Variants in ESRRG observed in about 807,000 individuals in gnomAD.
The protein encoded by ESRRG is estrogen related receptor gamma, also known as estrogen-related receptor gamma.
A neutral mutation model predicts 44.0 loss-of-function variants in ESRRG; 13 were observed. That is an observed-to-expected ratio of 0.30 (90% confidence interval 0.19 to 0.47). ESRRG has a LOEUF of 0.47. Ranked by LOEUF, ESRRG falls within the 20% of genes least tolerant of loss-of-function variation. ESRRG has a pLI of 1.00. For synonymous variants in ESRRG, 215 were observed against 214.6 expected (o/e 1.00, Z -0.02); for missense variants, 395 against 580.6 (o/e 0.68, Z 3.29).
intron 3 of ESRRG, among the ~76,000 whole-genome samples, chr1:216,626,903 G>A (rs767169148): frequency 1.3e-5 from 2 of 152,186 alleles, no homozygotes; most frequent in Non-Finnish European, 2.9e-5. Context: ...AGCACTGTAA[G>A]TTATTCCATG....
chr1:216,757,359 C>T (rs2092511174), intron 2 of ESRRG, among the ~76,000 whole-genome samples: 1 of 152,000 alleles, frequency 6.6e-6, no homozygotes, highest in African/African-American at 2.4e-5. Flanking sequence ...TGTAAAACTG[C>T]TGTGAAAAAG....
intron 2 of ESRRG, among the ~76,000 whole-genome samples, chr1:216,653,302 G>A (rs1046305655): frequency 1.3e-5 from 2 of 152,188 alleles, no homozygotes; most frequent in East Asian, 1.9e-4. Flanking sequence ...CCTCCGTCCT[G>A]ACCCACTCTA....
intron 1 of ESRRG, among the ~76,000 whole-genome samples, chr1:217,053,192 T>C (rs1487499438): frequency 2.0e-5 from 3 of 148,584 alleles, no homozygotes; most frequent in East Asian, 4.0e-4. Context: ...GGGTGGCTCA[T>C]GCCTGTAATC....
intron 5 of ESRRG, among the ~76,000 whole-genome samples, chr1:216,544,968 G>C (rs989908354): frequency 6.6e-6 from 1 of 151,814 alleles, no homozygotes; most frequent in African/African-American, 2.4e-5. Context: ...ATTGAATTAT[G>C]TATCCTCATA....
chr1:216,667,370 G>C (rs1250296796), intron 2 of ESRRG, among the ~76,000 whole-genome samples: 1 of 152,072 alleles, frequency 6.6e-6, no homozygotes, highest in Non-Finnish European at 1.5e-5. Context: ...TACTTTATAA[G>C]TTCTGTTAAA....
chr1:217,032,295 G>A (rs12756498), intron 1 of ESRRG, among the ~76,000 whole-genome samples: 23,300 of 151,930 alleles, frequency 0.15, 2,333 homozygotes, highest in Non-Finnish European at 0.2. Flanking sequence ...TTATGATTTT[G>A]GATCAGATCC....
chr1:216,518,240 T>C (rs1416718340), intron 6 of ESRRG, among the ~76,000 whole-genome samples: 1 of 152,132 alleles, frequency 6.6e-6, no homozygotes, highest in Non-Finnish European at 1.5e-5. Context: ...CTGCAGAATT[T>C]GAACAAATAG....
chr1:216,597,803 C>A (rs1465459475), intron 3 of ESRRG, among the ~76,000 whole-genome samples: 1 of 152,116 alleles, frequency 6.6e-6, no homozygotes, highest in Admixed American at 6.5e-5. Flanking sequence ...TATAATACTT[C>A]TAGAGCCACT....
At chr1:216,943,299 C>T (rs1010186946) in intron 1 of ESRRG, among the ~76,000 whole-genome samples, 2 of 152,140 alleles carry the variant, frequency 1.3e-5, no homozygotes, top group Admixed American at 6.5e-5. Flanking sequence ...GACCCCAAGG[C>T]AAGAGGACTT....
At chr1:216,868,079 CTTTTTTTTTTT>C (rs58738849) in intron 2 of ESRRG, among the ~76,000 whole-genome samples, 2 of 78,358 alleles carry the variant, frequency 2.6e-5, no homozygotes, top group Non-Finnish European at 4.4e-5. Context: ...TATATTGATC[CTTTTTTTTTTT>C]TTTTTTTTTT....
intron 2 of ESRRG, among the ~76,000 whole-genome samples, chr1:216,658,910 G>T (rs929973901): frequency 7.4e-5 from 8 of 108,706 alleles, no homozygotes; most frequent in African/African-American, 2.6e-4. Context: ...GAAGAGAAGA[G>T]AAGAGAAATA....
chr1:216,709,408 T>G (rs2083148537), intron 1 of ESRRG, among the ~76,000 whole-genome samples: 1 of 151,316 alleles, frequency 6.6e-6, no homozygotes, highest in Non-Finnish European at 1.5e-5. Context: ...ATTTCAGACC[T>G]TTTCCTGGAT....
chr1:216,556,713 G>T (rs1040712996), intron 5 of ESRRG, among the ~76,000 whole-genome samples: 1 of 152,092 alleles, frequency 6.6e-6, no homozygotes, highest in Admixed American at 6.6e-5. Flanking sequence ...GTCTCCATGT[G>T]ACTCTGTAGG....
intron 2 of ESRRG, among the ~76,000 whole-genome samples, chr1:216,920,915 A>C (rs923754401): frequency 6.6e-6 from 1 of 152,204 alleles, no homozygotes; most frequent in African/African-American, 2.4e-5. Context: ...TTATGCTGTG[A>C]GCAAGGCACA....
At chr1:217,024,365 A>C (rs2080865533) in intron 1 of ESRRG, among the ~76,000 whole-genome samples, 1 of 151,932 alleles carries the variant, frequency 6.6e-6, no homozygotes. Flanking sequence ...TTAAAAAAAA[A>C]AAAAAAATTA....
intron 2 of ESRRG, among the ~76,000 whole-genome samples, chr1:216,865,588 GGAGTAAACTTAAAAAGCAAACA>G (rs2149145268): frequency 6.6e-6 from 1 of 152,116 alleles, no homozygotes; most frequent in East Asian, 1.9e-4. Flanking sequence ...AGAGGGAAAA[GGAGTAAACTTAAAAAGCAAACA>G]TGGAACACTT....
chr1:216,544,811 A>G (rs1311735367), intron 5 of ESRRG, among the ~76,000 whole-genome samples: 1 of 152,018 alleles, frequency 6.6e-6, no homozygotes, highest in Admixed American at 6.6e-5. Context: ...TTGGTAAAAT[A>G]TGTCCTAGAT....
At chr1:216,921,318 C>A (rs554004158) in intron 2 of ESRRG, among the ~76,000 whole-genome samples, 1 of 152,086 alleles carries the variant, frequency 6.6e-6, no homozygotes, top group Non-Finnish European at 1.5e-5. Flanking sequence ...ACTCTGCGCT[C>A]CCTCTGTGTT....
intron 5 of ESRRG, among the ~76,000 whole-genome samples, chr1:216,551,689 C>T (rs1374657005): frequency 6.6e-6 from 1 of 152,062 alleles, no homozygotes; most frequent in Non-Finnish European, 1.5e-5. Flanking sequence ...ACTGATCTGC[C>T]AGAAACAGTG....
Sources: gnomAD v4.1 joint callset for allele counts (sites outside exome capture counted in the v4.1 genomes callset) on GRCh38, gnomAD v4.1.1 for gene constraint, MANE v1.5 for transcripts, NCBI Gene and HGNC (gene_info 2026-07-23, HGNC 2026-07-21) for gene names.